Variants in SHB observed in about 807,000 individuals in gnomAD.
SHB encodes the protein SH2 domain-containing adapter protein B.
In SHB, 20 loss-of-function variants were observed where a neutral mutation model predicts 52.3. The observed-to-expected ratio is 0.38, with a 90% CI of 0.27 to 0.56. The LOEUF (loss-of-function observed/expected upper bound fraction) is 0.56. Among genes scored for constraint, SHB ranks in the 20% least tolerant of loss-of-function variants. SHB has a pLI of 0.71. For missense variants in SHB, 825 were observed against 723.3 expected, an observed-to-expected ratio of 1.14 and a Z score of -1.61; for synonymous variants, 397 against 316.5, an observed-to-expected ratio of 1.25 and a Z score of -2.70.
In SHB at chr9:38,068,133, G is replaced by A; in HGVS notation, c.513C>T (p.Ala171=). Reference sequence around the variant, plus strand: ...AGATGTAGCGCACCTCGGCCGGCGTGGCGGGCCGCCGCTCGCTGCTGCTGC... The same window carrying A: ...AGATGTAGCGCACCTCGGCCGGCGTAGCGGGCCGCCGCTCGCTGCTGCTGC... ...LYRSSSERRP[A]TPAEVRYISP... is the part of the protein sequence containing the mutation. The change falls in exon 1 of 6, where the codon GCC becomes GCT. Residue 171 remains alanine, a synonymous_variant. Transcript: ENST00000377707. 6.9e-7 allele frequency: 1 copy of A among 1,439,192 alleles called. No homozygotes were observed. The highest frequency in any genetic ancestry group is 9.0e-7 in the Non-Finnish European group (1 of 1,108,652). 89.2% of individuals were successfully genotyped at this position (1,439,192 alleles called of 1,614,324 possible).
At chr9:38,031,508 C>A (rs1178007749) in intron 1 of SHB, among the ~76,000 whole-genome samples, 1 of 152,206 alleles carries the variant, frequency 6.6e-6, no homozygotes, top group East Asian at 1.9e-4. Flanking sequence ...TCTAGGGAAG[C>A]ATTACCCCAG....
chr9:37,946,188 C>A (rs981273568), intron 5 of SHB, among the ~76,000 whole-genome samples: 1 of 152,230 alleles, frequency 6.6e-6, no homozygotes, highest in South Asian at 2.1e-4. Context: ...AGGCCAGGCA[C>A]GAGGCCCGTC....
chr9:37,983,337 T>C (rs527902247), intron 2 of SHB, among the ~76,000 whole-genome samples: 7 of 152,268 alleles, frequency 4.6e-5, no homozygotes, highest in Admixed American at 3.9e-4. Flanking sequence ...AAGGTGTACA[T>C]GAGGTTGCTC....
At chr9:37,979,302 G>A (rs1325828088) in intron 2 of SHB, among the ~76,000 whole-genome samples, 1 of 152,224 alleles carries the variant, frequency 6.6e-6, no homozygotes, top group Non-Finnish European at 1.5e-5. Flanking sequence ...GACCTCTGGA[G>A]CAGAAAGGTT....
intron 1 of SHB, among the ~76,000 whole-genome samples, chr9:38,050,420 C>T (rs570866864): frequency 6.6e-6 from 1 of 152,150 alleles, no homozygotes; most frequent in East Asian, 1.9e-4. Context: ...ACATTCAAAC[C>T]TACCTTTGAA....
chr9:37,951,281 C>T (rs1832563986), intron 4 of SHB, among the ~76,000 whole-genome samples: 1 of 152,212 alleles, frequency 6.6e-6, no homozygotes, highest in Non-Finnish European at 1.5e-5. Flanking sequence ...CCACAGACCC[C>T]TTTCTTTCTA....
intron 5 of SHB, among the ~76,000 whole-genome samples, chr9:37,928,836 G>A (rs1444698398): frequency 6.6e-6 from 1 of 152,236 alleles, no homozygotes; most frequent in African/African-American, 2.4e-5. Flanking sequence ...CTGTTTCCAA[G>A]GACAGGACCC....
At chr9:37,988,185 C>T (rs1275243480) in intron 2 of SHB, among the ~76,000 whole-genome samples, 2 of 152,134 alleles carry the variant, frequency 1.3e-5, no homozygotes, top group East Asian at 3.9e-4. Flanking sequence ...GGCACTAATC[C>T]CCCCAGGGAC....
chr9:37,929,402 C>T (rs897396791), intron 5 of SHB, among the ~76,000 whole-genome samples: 3 of 152,202 alleles, frequency 2.0e-5, no homozygotes, highest in African/African-American at 7.2e-5. Context: ...AAGAACAGTG[C>T]CTTTCAGAAA....
At chr9:37,932,331 T>C (rs1316606626) in intron 5 of SHB, among the ~76,000 whole-genome samples, 3 of 145,750 alleles carry the variant, frequency 2.1e-5, no homozygotes, top group South Asian at 2.2e-4. Context: ...CTCATTTACA[T>C]GTGGAATCTA....
chr9:37,965,576 C>CTTTT (rs71990074), intron 3 of SHB, among the ~76,000 whole-genome samples: 2 of 141,444 alleles, frequency 1.4e-5, no homozygotes, highest in African/African-American at 2.6e-5. Context: ...ACTCAAATAT[C>CTTTT]TTTTTTTTTT....
At chr9:38,055,598 T>C (rs1283860487) in intron 1 of SHB, among the ~76,000 whole-genome samples, 2 of 152,290 alleles carry the variant, frequency 1.3e-5, no homozygotes, top group Non-Finnish European at 2.9e-5. Context: ...AATGCTTCTC[T>C]TGTCTGCTCA....
At chr9:37,983,329 G>A (rs1476556166) in intron 2 of SHB, among the ~76,000 whole-genome samples, 1 of 152,220 alleles carries the variant, frequency 6.6e-6, no homozygotes, top group East Asian at 1.9e-4. Context: ...AAAAGCTTAA[G>A]GTGTACATGA....
chr9:37,972,670 A>C, intron 3 of SHB, among the ~76,000 whole-genome samples: 1 of 152,212 alleles, frequency 6.6e-6, no homozygotes, highest in East Asian at 1.9e-4. Context: ...GCTGGGCCTC[A>C]AAGGAGGCAT....
chr9:37,956,136 C>A, intron 3 of SHB, 82 bp from the exon 4 acceptor site: 1 of 1,330,206 alleles, frequency 7.5e-7, no homozygotes, highest in South Asian at 1.3e-5. Context: ...TAACGTTCAG[C>A]TGGTCTAGTT....
chr9:37,994,231 C>T (rs896154064), intron 2 of SHB, among the ~76,000 whole-genome samples: 1 of 152,170 alleles, frequency 6.6e-6, no homozygotes, highest in Non-Finnish European at 1.5e-5. Flanking sequence ...AGCTGTGTGA[C>T]CCCAGCAAAT....
At chr9:37,997,549 C>A (rs1372445135) in intron 2 of SHB, among the ~76,000 whole-genome samples, 1 of 152,208 alleles carries the variant, frequency 6.6e-6, no homozygotes, top group Non-Finnish European at 1.5e-5. Flanking sequence ...GACCTGAGTC[C>A]ACATCCACTG....
chr9:38,054,161 G>A lies in SHB; in HGVS notation c.717+13768C>T, dbSNP rs541266202. On this transcript the variant is annotated intron_variant, in intron 1 of 5. Coordinates refer to ENST00000377707, the MANE Select transcript of SHB (RefSeq NM_003028.3). ...TGAGCTCTGGACTTCCGACCCTAAA[G>A]CCAGTGAGTGTTTCATGCCACCACA... is the stretch of plus-strand genomic sequence containing the variant. Among the ~76,000 whole-genome samples, 8 of 152,296 alleles carry A rather than the reference G, an allele frequency of 5.3e-5. No homozygotes were observed. The South Asian group carries it at 1.7e-3, about 32-fold the overall frequency.
At chr9:38,066,930 G>C (rs967729391) in intron 1 of SHB, among the ~76,000 whole-genome samples, 2 of 152,140 alleles carry the variant, frequency 1.3e-5, no homozygotes, top group Non-Finnish European at 2.9e-5. Context: ...CCACGCACCA[G>C]GGCGCTGAGA....
Sources: allele counts gnomAD v4.1 joint callset (sites outside exome capture counted in the v4.1 genomes callset), GRCh38; gene constraint gnomAD v4.1.1; transcripts MANE v1.5; gene names NCBI Gene and HGNC (gene_info 2026-07-23, HGNC 2026-07-21).